Variants in ANKS1B observed in about 807,000 individuals in gnomAD.
ANKS1B encodes the protein ankyrin repeat and sterile alpha motif domain containing 1B.
Under a neutral mutation model 148.3 loss-of-function variants are expected in ANKS1B, and 36 were observed. The ratio of observed to expected loss-of-function variants is 0.24; its 90% CI spans 0.19 to 0.32. The LOEUF (loss-of-function observed/expected upper bound fraction) is 0.32. Ranked by LOEUF, ANKS1B falls within the 10% of genes least tolerant of loss-of-function variation. The probability of loss-of-function intolerance (pLI) is 1.00; values close to 1 mark genes in which losing one functional copy is unlikely to be tolerated. For synonymous variants in ANKS1B, 542 were observed against 560.8 expected (o/e 0.97, Z 0.47); for missense variants, 1,157 against 1,542.6 (o/e 0.75, Z 4.19).
At chr12:98,905,185 C>T (rs1273226047) in intron 17 of ANKS1B, among the ~76,000 whole-genome samples, 2 of 152,148 alleles carry the variant, frequency 1.3e-5, no homozygotes, top group African/African-American at 4.8e-5. Flanking sequence ...TAAGTAGAAC[C>T]ATAGCTGGAA....
intron 1 of ANKS1B, among the ~76,000 whole-genome samples, chr12:99,954,701 C>G (rs2095286984): frequency 6.6e-6 from 1 of 152,090 alleles, no homozygotes; most frequent in South Asian, 2.1e-4. Flanking sequence ...ATTTTGCCTC[C>G]CAGAGAACAC....
intron 11 of ANKS1B, among the ~76,000 whole-genome samples, chr12:99,412,085 A>T (rs893092198): frequency 6.6e-6 from 1 of 152,046 alleles, no homozygotes; most frequent in Non-Finnish European, 1.5e-5. Flanking sequence ...TTTTTTTTCA[A>T]GTATTCCATT....
intron 1 of ANKS1B, among the ~76,000 whole-genome samples, chr12:99,833,290 G>A (rs1278411676): frequency 6.6e-6 from 1 of 152,202 alleles, no homozygotes; most frequent in Non-Finnish European, 1.5e-5. Flanking sequence ...AGATAAGTAT[G>A]TTCCTCACAT....
chr12:99,556,436 A>G (rs536785165), intron 9 of ANKS1B, among the ~76,000 whole-genome samples: 4 of 152,040 alleles, frequency 2.6e-5, no homozygotes, highest in Non-Finnish European at 5.9e-5. Flanking sequence ...TCATGTCTCA[A>G]TTTCATTCAG....
intron 12 of ANKS1B, among the ~76,000 whole-genome samples, chr12:99,247,308 C>G (rs1446994619): frequency 6.6e-6 from 1 of 152,056 alleles, no homozygotes; most frequent in Non-Finnish European, 1.5e-5. Context: ...CTCTGCCCTC[C>G]TCCCAGCAAA....
rs34852766 is a variant in ANKS1B at position 99,371,562 on chromosome 12, G to GCACA, written c.1756+28065_1756+28068dup. Among the ~76,000 whole-genome samples the GCACA allele has an allele frequency of 1.2e-4, 18 of 150,192 alleles. 1 individual carries two copies. In the East Asian group the frequency reaches 1.6e-3, roughly 13 times the overall value. On this transcript the variant is annotated intron_variant, in intron 12 of 26. Coordinates refer to ENST00000683438, the MANE Select transcript of ANKS1B (RefSeq NM_001352186.2). ...GTCACAGTACCCAGTATACACATGTGCACACACACACACACACATATACAT... is the reference window on the plus strand; with the variant it reads ...GTCACAGTACCCAGTATACACATGTGCACACACACACACACACACACATATACAT...
chr12:99,201,589 G>A lies in ANKS1B; in HGVS notation c.2419+42753C>T, dbSNP rs79586556. Among the ~76,000 whole-genome samples, 101 of 152,286 alleles carry A rather than the reference G, an allele frequency of 6.6e-4. 1 individual carries two copies. The East Asian group carries it at 0.019, about 29-fold the overall frequency. ...TTTAGTGTAATGCCAACACGCTCCT[G>A]TCTTGGTTTAGGTGAGCTTTCAGGT... On this transcript the variant is annotated intron_variant, in intron 14 of 26. Coordinates refer to ENST00000683438, the MANE Select transcript of ANKS1B (RefSeq NM_001352186.2).
intron 1 of ANKS1B, among the ~76,000 whole-genome samples, chr12:99,924,293 G>C (rs1020608235): frequency 6.6e-5 from 10 of 150,500 alleles, no homozygotes; most frequent in South Asian, 2.1e-4. Flanking sequence ...GTGTATTACA[G>C]ATTAATTTAT....
intron 1 of ANKS1B, among the ~76,000 whole-genome samples, chr12:99,835,096 A>G (rs2084621925): frequency 6.6e-6 from 1 of 151,932 alleles, no homozygotes; most frequent in African/African-American, 2.4e-5. Context: ...AAATGGGTCT[A>G]TATCAGCACT....
At chr12:99,311,649 T>C (rs1013268882) in intron 12 of ANKS1B, among the ~76,000 whole-genome samples, 4 of 152,108 alleles carry the variant, frequency 2.6e-5, no homozygotes, top group African/African-American at 9.6e-5. Context: ...GCTGGATTAA[T>C]AATCTACATT....
chr12:99,981,228 G>C (rs760551632), intron 1 of ANKS1B, among the ~76,000 whole-genome samples: 9 of 151,952 alleles, frequency 5.9e-5, no homozygotes, highest in Non-Finnish European at 1.3e-4. Flanking sequence ...TATATGATAG[G>C]TACTATTATT....
intron 10 of ANKS1B, among the ~76,000 whole-genome samples, chr12:99,450,367 G>T (rs907247554): frequency 3.9e-5 from 6 of 152,122 alleles, no homozygotes; most frequent in Non-Finnish European, 8.8e-5. Flanking sequence ...ATAATGTTTA[G>T]CCAAATGTGT....
intron 1 of ANKS1B, among the ~76,000 whole-genome samples, chr12:99,877,999 G>A (rs1417670228): frequency 6.6e-6 from 1 of 152,184 alleles, no homozygotes; most frequent in Non-Finnish European, 1.5e-5. Flanking sequence ...AGTGGAGGGT[G>A]CAATCAGATC....
chr12:98,773,899 C>G (rs1045740980), intron 24 of ANKS1B, among the ~76,000 whole-genome samples: 5 of 152,194 alleles, frequency 3.3e-5, no homozygotes, highest in Admixed American at 3.3e-4. Context: ...AGAGATCTGA[C>G]CCAATGAGGC....
In ANKS1B at chr12:99,659,171, G is replaced by A. The variant is rs376214074; in HGVS notation, c.1129-3961C>T. Among the ~76,000 whole-genome samples, 9 of 152,186 alleles carry A rather than the reference G, an allele frequency of 5.9e-5. No homozygotes were observed. In the East Asian group the frequency reaches 1.2e-3, roughly 20 times the overall value. On this transcript the variant is annotated intron_variant, in intron 8 of 26. Transcript: ENST00000683438. ...GGTTTAGCACTGCCCCCTAAAGACA[G>A]CATATAAATTGGCTGTGTAAAACCA...
chr12:99,294,800 T>A (rs1187279079), intron 12 of ANKS1B, among the ~76,000 whole-genome samples: 2 of 152,106 alleles, frequency 1.3e-5, no homozygotes, highest in African/African-American at 4.8e-5. Flanking sequence ...ACTACAGGCA[T>A]GTGCCACCAC....
chr12:99,824,847 A>C (rs992762482), intron 2 of ANKS1B, among the ~76,000 whole-genome samples: 2 of 152,238 alleles, frequency 1.3e-5, no homozygotes, highest in Non-Finnish European at 1.5e-5. Context: ...AATGACAAAG[A>C]TAAAACATTT....
intron 10 of ANKS1B, among the ~76,000 whole-genome samples, chr12:99,478,317 T>C (rs1333057469): frequency 6.6e-6 from 1 of 152,168 alleles, no homozygotes; most frequent in African/African-American, 2.4e-5. Context: ...CCTCTGTTTC[T>C]TTCACCTTTA....
intron 25 of ANKS1B, among the ~76,000 whole-genome samples, chr12:98,758,941 ATT>A (rs35016362): frequency 2.8e-4 from 38 of 135,832 alleles, no homozygotes; most frequent in Middle Eastern, 3.8e-3. Flanking sequence ...CGCCTGGCTA[ATT>A]TTTTTTTTTT....
Sources: allele counts gnomAD v4.1 joint callset (sites outside exome capture counted in the v4.1 genomes callset), GRCh38; gene constraint gnomAD v4.1.1; transcripts MANE v1.5; gene names NCBI Gene and HGNC (gene_info 2026-07-23, HGNC 2026-07-21).